The following ZNRF1 variants were observed in gnomAD, a reference collection of about 807,000 sequenced individuals.
ZNRF1 encodes the protein E3 ubiquitin-protein ligase ZNRF1.
Under a neutral mutation model 18.4 loss-of-function variants are expected in ZNRF1, and 3 were observed. That is an observed-to-expected ratio of 0.16 (90% CI 0.07 to 0.42). The LOEUF (loss-of-function observed/expected upper bound fraction) is 0.42, where lower values mean the gene tolerates loss of function less well. Among genes scored for constraint, ZNRF1 ranks in the 10% least tolerant of loss-of-function variants. ZNRF1 has a pLI of 0.99. For synonymous variants in ZNRF1, 157 were observed against 144.2 expected, an observed-to-expected ratio of 1.09 and a Z score of -0.64; for missense variants, 310 against 329.8, an observed-to-expected ratio of 0.94 and a Z score of 0.47.
chr16:75,070,472 C>T (rs550514427), intron 1 of ZNRF1, among the ~76,000 whole-genome samples: 2 of 152,326 alleles, frequency 1.3e-5, no homozygotes, highest in Middle Eastern at 3.4e-3. Flanking sequence ...GCCCCCGATC[C>T]TGCTTTCCTC....
chr16:75,090,709 C>T (rs1389509843), intron 1 of ZNRF1, among the ~76,000 whole-genome samples: 1 of 152,024 alleles, frequency 6.6e-6, no homozygotes, highest in East Asian at 1.9e-4. Flanking sequence ...GTCAACTGTC[C>T]ACTTTGTCTG....
intron 1 of ZNRF1, among the ~76,000 whole-genome samples, chr16:75,051,109 T>C (rs1597881451): frequency 6.6e-6 from 1 of 151,006 alleles, no homozygotes; most frequent in African/African-American, 2.4e-5. Flanking sequence ...GCTGAGGCAG[T>C]AGGCCCACTT....
chr16:75,072,752 C>G (rs1276966953), intron 1 of ZNRF1, among the ~76,000 whole-genome samples: 2 of 152,096 alleles, frequency 1.3e-5, no homozygotes, highest in Admixed American at 6.6e-5. Flanking sequence ...TTGAACCCCT[C>G]CTTTTGCAAG....
At chr16:75,078,081 A>G (rs951245276) in intron 1 of ZNRF1, among the ~76,000 whole-genome samples, 1 of 152,122 alleles carries the variant, frequency 6.6e-6, no homozygotes, top group Non-Finnish European at 1.5e-5. Flanking sequence ...GGTTGCACAC[A>G]TGTTCCCATG....
At chr16:75,000,901 G>T (rs2034840203) in intron 1 of ZNRF1, among the ~76,000 whole-genome samples, 1 of 152,234 alleles carries the variant, frequency 6.6e-6, no homozygotes, top group Non-Finnish European at 1.5e-5. Context: ...CATGACTGGG[G>T]AAAAGGAGGA....
chr16:75,030,598 T>C (rs2035288863), intron 1 of ZNRF1, among the ~76,000 whole-genome samples: 1 of 152,124 alleles, frequency 6.6e-6, no homozygotes, highest in Non-Finnish European at 1.5e-5. Flanking sequence ...TTTTAGAACC[T>C]TTTTTAATTA....
In ZNRF1 at chr16:75,054,204, T is replaced by C. The variant is rs368080720; in HGVS notation, c.425-39368T>C. Among the ~76,000 whole-genome samples the C allele has an allele frequency of 1.2e-4, 19 of 152,358 alleles. 2 individuals carry two copies. Among genetic ancestry groups the C allele is most frequent in the South Asian group, 1.2e-3 (6 of 4,830 alleles). On this transcript the variant is annotated intron_variant, in intron 1 of 4. Coordinates refer to ENST00000335325, the MANE Select transcript of ZNRF1 (RefSeq NM_032268.5). Reference sequence around the variant, plus strand: ...CAACAAGCAAAGTGCATTTTGTCTTTCAGAGTGGGAAGGACCTTAACTGTG... The same window carrying C: ...CAACAAGCAAAGTGCATTTTGTCTTCCAGAGTGGGAAGGACCTTAACTGTG...
chr16:75,085,679 C>T (rs1225980111), intron 1 of ZNRF1, among the ~76,000 whole-genome samples: 1 of 152,054 alleles, frequency 6.6e-6, no homozygotes, highest in Non-Finnish European at 1.5e-5. Context: ...TGCTACACAT[C>T]TTCACCGACA....
intron 1 of ZNRF1, among the ~76,000 whole-genome samples, chr16:75,030,872 G>A (rs956398741): frequency 1.7e-5 from 2 of 118,734 alleles, no homozygotes; most frequent in African/African-American, 3.3e-5. Context: ...ACGGAGCCTC[G>A]CTCTGTCACC....
In ZNRF1 at chr16:74,999,950, C is replaced by G; in HGVS notation, c.279C>G (p.Ser93=). ...ERAPGGGGSA[S]DSTYAHGNGY... ...CGCCCGGCGGCGGAGGGTCTGCGTC[C>G]GACTCCACCTATGCCCATGGCAATG... Residue 93 remains serine, a synonymous_variant, in exon 1 of 5, where the codon TCC becomes TCG. Transcript: ENST00000335325. 6.4e-7 allele frequency: 1 copy of G among 1,574,070 alleles called. No homozygotes were observed.
At chr16:75,017,035 C>T (rs2035081801) in intron 1 of ZNRF1, among the ~76,000 whole-genome samples, 1 of 152,112 alleles carries the variant, frequency 6.6e-6, no homozygotes, top group Non-Finnish European at 1.5e-5. Flanking sequence ...ATCTGGCAAA[C>T]CCACCCTAAT....
rs369946304 is a variant in ZNRF1 at position 75,041,062 on chromosome 16, G to T, written c.424+40967G>T. ...CTGATAGACTTTTGGATTGTTTCTA[G>T]CTTAAGACAATTATGAATGATGCTG... On this transcript the variant is annotated intron_variant, in intron 1 of 4. Transcript: ENST00000335325. 1.2e-4 allele frequency among the ~76,000 whole-genome samples: 19 copies of T among 152,266 alleles called. 2 individuals carry two copies. Among genetic ancestry groups the T allele is most frequent in the South Asian group, 1.0e-3 (5 of 4,826 alleles).
intron 1 of ZNRF1, among the ~76,000 whole-genome samples, chr16:75,024,419 T>G (rs1003135819): frequency 5.3e-5 from 8 of 152,192 alleles, no homozygotes; most frequent in African/African-American, 1.9e-4. Context: ...AGGTGCCTAG[T>G]AAAAGTTCAG....
chr16:75,043,411 G>A (rs1263238096), intron 1 of ZNRF1, among the ~76,000 whole-genome samples: 1 of 152,124 alleles, frequency 6.6e-6, no homozygotes, highest in Non-Finnish European at 1.5e-5. Context: ...AAATTTGGCT[G>A]TTCTTCTTTT....
chr16:75,092,660 T>C (rs1419482249), intron 1 of ZNRF1, among the ~76,000 whole-genome samples: 3 of 152,230 alleles, frequency 2.0e-5, no homozygotes, highest in African/African-American at 7.2e-5. Flanking sequence ...TCAACCAAAA[T>C]TCTCCAGTAT....
intron 1 of ZNRF1, among the ~76,000 whole-genome samples, chr16:75,032,213 A>C (rs2035315374): frequency 6.7e-6 from 1 of 149,588 alleles, no homozygotes; most frequent in Non-Finnish European, 1.5e-5. Flanking sequence ...GGGTTCAAGC[A>C]ATTGTCTCGC....
At chr16:75,042,572 C>G (rs2035463748) in intron 1 of ZNRF1, among the ~76,000 whole-genome samples, 1 of 148,726 alleles carries the variant, frequency 6.7e-6, no homozygotes, top group Non-Finnish European at 1.5e-5. Flanking sequence ...TGGTTTATTT[C>G]TCGGCTTTCA....
chr16:75,016,160 C>A (rs538486982), intron 1 of ZNRF1, among the ~76,000 whole-genome samples: 2 of 151,916 alleles, frequency 1.3e-5, no homozygotes, highest in East Asian at 3.9e-4. Flanking sequence ...GACCTCGTGA[C>A]CCGTCCACCG....
At chr16:75,033,267 A>T (rs1338851678) in intron 1 of ZNRF1, among the ~76,000 whole-genome samples, 1 of 151,568 alleles carries the variant, frequency 6.6e-6, no homozygotes, top group Non-Finnish European at 1.5e-5. Context: ...TTCTACAAAA[A>T]AAAAAAAAAA....
Sources: allele counts gnomAD v4.1 joint callset (sites outside exome capture counted in the v4.1 genomes callset), GRCh38; gene constraint gnomAD v4.1.1; transcripts MANE v1.5; gene names NCBI Gene and HGNC (gene_info 2026-07-23, HGNC 2026-07-21).